Variants in LYN observed in about 807,000 individuals in gnomAD.
LYN encodes the protein LYN proto-oncogene, Src family tyrosine kinase.
LYN carries 12 observed loss-of-function variants against 65.0 expected under a neutral mutation model. The observed-to-expected ratio is 0.18, with a 90% CI of 0.12 to 0.30. The LOEUF is 0.30. Ranked by LOEUF, LYN falls within the 10% of genes least tolerant of loss-of-function variation. The pLI, the probability that LYN is intolerant of heterozygous loss-of-function variation, is 1.00. For synonymous variants in LYN, 222 were observed against 221.2 expected, an observed-to-expected ratio of 1.00 and a Z score of -0.03; for missense variants, 380 against 623.2, an observed-to-expected ratio of 0.61 and a Z score of 4.16.
At chr8:55,891,495 A>G (rs1324450290) in intron 1 of LYN, among the ~76,000 whole-genome samples, 2 of 152,228 alleles carry the variant, frequency 1.3e-5, no homozygotes, top group African/African-American at 2.4e-5. Context: ...AGTCAAATTC[A>G]TAGAGACAGA....
At chr8:55,994,831 A>G (rs1488629038) in intron 10 of LYN, among the ~76,000 whole-genome samples, 1 of 152,240 alleles carries the variant, frequency 6.6e-6, no homozygotes, top group Non-Finnish European at 1.5e-5. Context: ...AGGCTGGGAC[A>G]GAGTCAGCTA....
At chr8:55,930,705 C>T (rs896119812) in intron 1 of LYN, among the ~76,000 whole-genome samples, 2 of 152,154 alleles carry the variant, frequency 1.3e-5, no homozygotes, top group African/African-American at 2.4e-5. Context: ...GGATGCGGCA[C>T]GTGGTGGAGG....
intron 12 of LYN, among the ~76,000 whole-genome samples, chr8:56,003,891 A>G (rs1291504186): frequency 6.8e-6 from 1 of 147,050 alleles, no homozygotes; most frequent in South Asian, 2.1e-4. Context: ...GAAATTTCTA[A>G]TTTTTTTACA....
intron 2 of LYN, among the ~76,000 whole-genome samples, chr8:55,943,464 T>A (rs1259184275): frequency 6.6e-6 from 1 of 150,554 alleles, no homozygotes; most frequent in Non-Finnish European, 1.5e-5. Flanking sequence ...TAGTCCCAGC[T>A]ACTTGGGAGG....
At chr8:55,982,535 C>G (rs185470300) in intron 10 of LYN, among the ~76,000 whole-genome samples, 4 of 152,166 alleles carry the variant, frequency 2.6e-5, no homozygotes, top group Admixed American at 2.0e-4. Flanking sequence ...CTACCTCCCC[C>G]ACCCAGGACC....
chr8:56,000,158 G>A (rs1808475210), intron 12 of LYN, among the ~76,000 whole-genome samples: 2 of 152,086 alleles, frequency 1.3e-5, no homozygotes, highest in South Asian at 4.1e-4. Flanking sequence ...TAGACACAGG[G>A]GCTCCTCCAA....
rs149064199 is a variant in LYN, at chr8:56,011,406, C to T, written c.*1296C>T. ...ATCTCAAGCTTTTTATTTGCATTTA[C>T]ATTTTCAGCTGTGGTCAGTGTAAAA... On this transcript the variant is annotated 3_prime_UTR_variant, in exon 13 of 13. Coordinates refer to ENST00000519728, the MANE Select transcript of LYN (RefSeq NM_002350.4). The T allele has an allele frequency of 3.9e-4, 82 of 210,420 alleles. 1 individual carries two copies. The highest frequency in any genetic ancestry group is 1.8e-3 in the African/African-American group (80 of 44,174). 13.0% of individuals were successfully genotyped at this position (210,420 alleles called of 1,614,324 possible). A position where few individuals can be genotyped will look rare whatever the true frequency, so the allele number is the denominator to read the frequency against.
chr8:55,998,463 A>G lies in LYN; in HGVS notation c.1168A>G (p.Arg390Gly). The change falls in exon 11 of 13, where the codon AGA becomes GGA. Residue 390 changes from arginine (R) to glycine (G), a missense_variant. Arg to Gly is a moderately radical substitution (Grantham distance 125, BLOSUM62 -2). Coordinates refer to ENST00000519728, the MANE Select transcript of LYN (RefSeq NM_002350.4). The stretch of plus-strand genomic sequence containing the variant: ...CAAAATTGCAGATTTTGGCCTTGCT[A>G]GAGTAATTGAAGATAATGAGTACAC... Reference protein sequence around the residue: ...MCKIADFGLARVIEDNEYTAR... With the variant: ...MCKIADFGLAGVIEDNEYTAR... 1.2e-6 allele frequency: 2 copies of G among 1,614,018 alleles called. No homozygotes were observed. The highest frequency in any genetic ancestry group is 1.7e-6 in the Non-Finnish European group (2 of 1,179,854).
intron 10 of LYN, among the ~76,000 whole-genome samples, chr8:55,983,771 G>A (rs1302952271): frequency 6.6e-6 from 1 of 152,124 alleles, no homozygotes; most frequent in African/African-American, 2.4e-5. Flanking sequence ...TTGCCCAGTG[G>A]TTAAACCTTG....
At chr8:55,881,679 G>C (rs890642240) in intron 1 of LYN, among the ~76,000 whole-genome samples, 2 of 152,190 alleles carry the variant, frequency 1.3e-5, no homozygotes, top group African/African-American at 4.8e-5. Flanking sequence ...TTGAGTTTTG[G>C]CCTCTTCCAT....
At chr8:55,931,288 A>G (rs1049273716) in intron 1 of LYN, among the ~76,000 whole-genome samples, 53 of 150,386 alleles carry the variant, frequency 3.5e-4, no homozygotes, top group African/African-American at 1.2e-3. Context: ...CTATATGTAC[A>G]TGTATAACTT....
chr8:56,007,694 A>T lies in LYN; in HGVS notation c.1337-2214A>T, dbSNP rs182682506. Among the ~76,000 whole-genome samples, 50 of 152,346 alleles carry T rather than the reference A, an allele frequency of 3.3e-4. 1 individual carries two copies. Among genetic ancestry groups the T allele is most frequent in the South Asian group, 3.1e-3 (15 of 4,828 alleles). On this transcript the variant is annotated intron_variant, in intron 12 of 12. Coordinates refer to ENST00000519728, the MANE Select transcript of LYN (RefSeq NM_002350.4). Reference sequence around the variant, plus strand: ...AGGATCTCAAAGTTTATTGGCCATAAGCCATTGTGGGAAATACATAGAAAC... The same window carrying T: ...AGGATCTCAAAGTTTATTGGCCATATGCCATTGTGGGAAATACATAGAAAC...
At chr8:55,950,351 T>A in intron 4 of LYN, 108 bp from the exon 5 acceptor site, 2 of 729,872 alleles carry the variant, frequency 2.7e-6, no homozygotes, top group African/African-American at 3.5e-5. Flanking sequence ...TTAATTGATA[T>A]GTAATATCTG....
chr8:55,986,885 C>T (rs1281740738), intron 10 of LYN, among the ~76,000 whole-genome samples: 1 of 152,078 alleles, frequency 6.6e-6, no homozygotes, highest in Non-Finnish European at 1.5e-5. Context: ...GCCACTACAC[C>T]CGGCTAATTT....
chr8:55,914,804 C>T (rs1358294074), intron 1 of LYN, among the ~76,000 whole-genome samples: 1 of 152,178 alleles, frequency 6.6e-6, no homozygotes, highest in Non-Finnish European at 1.5e-5. Flanking sequence ...TCTTCACTCC[C>T]ACCCCTCCTG....
chr8:55,884,105 G>A lies in LYN; in HGVS notation c.-6+4002G>A, dbSNP rs1585558563. Among the ~76,000 whole-genome samples, 4 of 152,250 alleles carry A rather than the reference G, an allele frequency of 2.6e-5. No individual in the cohort carries two copies. In the South Asian group the frequency reaches 8.3e-4, roughly 32 times the overall value. ...GATTTTTGTTGTTGTTGTTTTGTTTGTTCTTCTTTTCTGAGATGAAGGCTC... is the reference window on the plus strand; with the variant it reads ...GATTTTTGTTGTTGTTGTTTTGTTTATTCTTCTTTTCTGAGATGAAGGCTC... On this transcript the variant is annotated intron_variant, in intron 1 of 12. Transcript: ENST00000519728.
At chr8:55,939,030 AGTGTAGC>A in intron 1 of LYN, among the ~76,000 whole-genome samples, 1 of 152,362 alleles carries the variant, frequency 6.6e-6, no homozygotes, top group South Asian at 2.1e-4. Context: ...ATCATTGTAA[AGTGTAGC>A]TCATATCACT....
intron 6 of LYN, 94 bp from the exon 7 acceptor site, chr8:55,951,872 C>A: frequency 1.1e-6 from 1 of 941,106 alleles, no homozygotes; most frequent in Non-Finnish European, 1.6e-6. Context: ...ATGTATTTTG[C>A]ATATTTGTAT....
chr8:55,930,889 T>C (rs935083762), intron 1 of LYN, among the ~76,000 whole-genome samples: 3 of 152,056 alleles, frequency 2.0e-5, no homozygotes, highest in Non-Finnish European at 2.9e-5. Context: ...TAGGCTCCAG[T>C]AATCCTCCCA....
Sources: gnomAD v4.1 joint callset for allele counts (sites outside exome capture counted in the v4.1 genomes callset) on GRCh38, gnomAD v4.1.1 for gene constraint, MANE v1.5 for transcripts, NCBI Gene and HGNC (gene_info 2026-07-23, HGNC 2026-07-21) for gene names.